ROR1: variants seen among roughly 807,000 people sequenced by gnomAD.
ROR1 encodes the protein inactive tyrosine-protein kinase transmembrane receptor ROR1.
A neutral mutation model predicts 78.8 loss-of-function variants in ROR1; 19 were observed. That is an observed-to-expected ratio of 0.24 (90% CI 0.17 to 0.35). ROR1 has a LOEUF of 0.35. Ranked by LOEUF, ROR1 falls within the 10% of genes least tolerant of loss-of-function variation. The pLI, the probability that ROR1 is intolerant of heterozygous loss-of-function variation, is 1.00. For synonymous variants in ROR1, 386 were observed against 433.6 expected (o/e 0.89, Z 1.36); for missense variants, 917 against 1,177.8 (o/e 0.78, Z 3.24).
chr1:63,775,678 T>C (rs907970258), intron 1 of ROR1, among the ~76,000 whole-genome samples: 5 of 152,242 alleles, frequency 3.3e-5, no homozygotes, highest in Non-Finnish European at 7.3e-5. Context: ...AATGCAGAAT[T>C]AGTTTTTACT....
intron 2 of ROR1, among the ~76,000 whole-genome samples, chr1:64,029,955 A>T (rs1213903622): frequency 6.6e-6 from 1 of 152,058 alleles, no homozygotes; most frequent in African/African-American, 2.4e-5. Flanking sequence ...ACCCAACTCA[A>T]ATGTCATTTC....
chr1:64,029,357 C>T (rs1356281723), intron 2 of ROR1, among the ~76,000 whole-genome samples: 1 of 152,130 alleles, frequency 6.6e-6, no homozygotes, highest in African/African-American at 2.4e-5. Context: ...TAAGCCTGAC[C>T]ATTTACATTT....
chr1:64,104,995 T>C (rs1647736716), intron 4 of ROR1, among the ~76,000 whole-genome samples: 1 of 152,230 alleles, frequency 6.6e-6, no homozygotes, highest in South Asian at 2.1e-4. Flanking sequence ...GGCTGCTGGG[T>C]CAAATGTTAT....
intron 2 of ROR1, among the ~76,000 whole-genome samples, chr1:64,037,634 C>T (rs2100577447): frequency 6.6e-6 from 1 of 152,208 alleles, no homozygotes; most frequent in East Asian, 1.9e-4. Context: ...TTAGTTGTCA[C>T]CATGATGAGG....
chr1:63,898,326 G>A (rs553330963), intron 1 of ROR1, among the ~76,000 whole-genome samples: 61 of 146,586 alleles, frequency 4.2e-4, no homozygotes, highest in African/African-American at 1.4e-3. Flanking sequence ...TAAAAAAATC[G>A]TTTTTCTGTT....
intron 1 of ROR1, among the ~76,000 whole-genome samples, chr1:63,968,202 G>A (rs947391923): frequency 1.3e-5 from 2 of 152,104 alleles, no homozygotes; most frequent in Non-Finnish European, 2.9e-5. Flanking sequence ...TGTAGATAAC[G>A]ATTTATGGAT....
intron 1 of ROR1, among the ~76,000 whole-genome samples, chr1:63,970,503 A>G (rs978388875): frequency 5.9e-5 from 9 of 152,086 alleles, no homozygotes; most frequent in Admixed American, 6.5e-5. Context: ...TCTGGTTATA[A>G]CTCTTGCTTC....
rs1156845168 is a variant in ROR1, at chr1:63,961,127, C to T, written c.92-48178C>T. Reference sequence around the variant, plus strand: ...CCTTTCCTCCTTTTTGACATTCCCTCTTTTTTTTTAAACTCCCCTTAAGCT... The same window carrying T: ...CCTTTCCTCCTTTTTGACATTCCCTTTTTTTTTTTAAACTCCCCTTAAGCT... On this transcript the variant is annotated intron_variant, in intron 1 of 8. Coordinates refer to ENST00000371079, the MANE Select transcript of ROR1 (RefSeq NM_005012.4). Among the ~76,000 whole-genome samples, 4 of 151,058 alleles carry T rather than the reference C, an allele frequency of 2.6e-5. No homozygotes were observed. In the South Asian group the frequency reaches 8.4e-4, roughly 32 times the overall value.
chr1:63,920,817 G>A (rs2100428930), intron 1 of ROR1, among the ~76,000 whole-genome samples: 1 of 152,260 alleles, frequency 6.6e-6, no homozygotes, highest in South Asian at 2.1e-4. Flanking sequence ...TTCCCACAAA[G>A]CCCCAAGGTG....
chr1:64,099,976 AC>A (rs1449480769), intron 4 of ROR1, among the ~76,000 whole-genome samples: 1 of 152,104 alleles, frequency 6.6e-6, no homozygotes, highest in Non-Finnish European at 1.5e-5. Context: ...AATTGCTTAA[AC>A]CCAGGAGGTG....
chr1:63,802,740 C>G (rs1227235185), intron 1 of ROR1, among the ~76,000 whole-genome samples: 1 of 152,144 alleles, frequency 6.6e-6, no homozygotes, highest in Non-Finnish European at 1.5e-5. Context: ...GTAATAGTAA[C>G]ATACTACATA....
intron 1 of ROR1, among the ~76,000 whole-genome samples, chr1:63,998,082 C>T (rs1646353016): frequency 6.6e-6 from 1 of 152,092 alleles, no homozygotes; most frequent in Non-Finnish European, 1.5e-5. Flanking sequence ...CACCTTTCAT[C>T]CTTGTGCTGA....
At chr1:63,954,520 T>C (rs189904320) in intron 1 of ROR1, among the ~76,000 whole-genome samples, 32 of 152,316 alleles carry the variant, frequency 2.1e-4, no homozygotes, top group African/African-American at 7.7e-4. Context: ...AGACCTGAGA[T>C]TGGATGAGAA....
chr1:63,943,723 C>G (rs1645859998), intron 1 of ROR1, among the ~76,000 whole-genome samples: 1 of 152,194 alleles, frequency 6.6e-6, no homozygotes, highest in African/African-American at 2.4e-5. Flanking sequence ...TAGGTAGAGG[C>G]ATTCCTAATT....
chr1:64,078,741 G>T (rs1473705449), intron 4 of ROR1, among the ~76,000 whole-genome samples: 3 of 152,148 alleles, frequency 2.0e-5, no homozygotes, highest in Non-Finnish European at 4.4e-5. Flanking sequence ...ACAGGTAAGA[G>T]GGGGCAGAAG....
At chr1:64,006,340 G>C (rs1162569246) in intron 1 of ROR1, among the ~76,000 whole-genome samples, 2 of 152,112 alleles carry the variant, frequency 1.3e-5, no homozygotes, top group Non-Finnish European at 2.9e-5. Flanking sequence ...CGGGGTGTTT[G>C]ATGAGCCTTT....
At chr1:64,017,643 C>G (rs1247488018) in intron 2 of ROR1, among the ~76,000 whole-genome samples, 2 of 152,100 alleles carry the variant, frequency 1.3e-5, no homozygotes, top group African/African-American at 4.8e-5. Context: ...CCCAAGCCCT[C>G]CCATCATTCC....
At chr1:63,830,894 TA>T (rs1644983975) in intron 1 of ROR1, among the ~76,000 whole-genome samples, 1 of 152,188 alleles carries the variant, frequency 6.6e-6, no homozygotes, top group African/African-American at 2.4e-5. Flanking sequence ...AGGAATTTGG[TA>T]AATGTTCCCA....
chr1:64,016,733 T>TATATATA (rs1553151713), intron 2 of ROR1, among the ~76,000 whole-genome samples: 1,586 of 140,598 alleles, frequency 0.011, 31 homozygotes, highest in African/African-American at 0.039. Flanking sequence ...TAAAATATAA[T>TATATATA]TATATATATA....
Sources: allele counts gnomAD v4.1 joint callset (sites outside exome capture counted in the v4.1 genomes callset), GRCh38; gene constraint gnomAD v4.1.1; transcripts MANE v1.5; gene names NCBI Gene and HGNC (gene_info 2026-07-23, HGNC 2026-07-21).